The following ANKRD29 variants were observed in gnomAD, a reference collection of about 807,000 sequenced individuals.
ANKRD29 encodes ankyrin repeat domain 29, also known as ankyrin repeat domain-containing protein 29.
A neutral mutation model predicts 38.0 loss-of-function variants in ANKRD29; 32 were observed. The ratio of observed to expected loss-of-function variants is 0.84; its 90% confidence interval spans 0.64 to 1.13. ANKRD29 has a LOEUF of 1.13. Among genes scored for constraint, ANKRD29 ranks in the 50% most tolerant of loss-of-function variants. The pLI is 0.00. For synonymous variants in ANKRD29, 135 were observed against 152.4 expected (o/e 0.89, Z 0.84); for missense variants, 357 against 377.9 (o/e 0.94, Z 0.46).
chr18:23,643,720 C>A (rs952864839), intron 3 of ANKRD29, among the ~76,000 whole-genome samples: 5 of 152,216 alleles, frequency 3.3e-5, no homozygotes, highest in African/African-American at 1.2e-4. Flanking sequence ...TGTCATCAGC[C>A]AATTGTGGGT....
chr18:23,634,300 T>G (rs545897676), intron 4 of ANKRD29, 151 bp from the exon 5 acceptor site: 4 of 335,486 alleles, frequency 1.2e-5, no homozygotes, highest in South Asian at 3.0e-5. Flanking sequence ...TTTTTTTTTT[T>G]TTTTTTTGAG....
intron 9 of ANKRD29, among the ~76,000 whole-genome samples, chr18:23,610,755 A>AC (rs570640846): frequency 1.8e-4 from 28 of 152,182 alleles, no homozygotes; most frequent in Non-Finnish European, 4.0e-4. Context: ...GGCTCACTGC[A>AC]CCCTTGACCT....
chr18:23,614,643 G>T (rs1420968008), intron 8 of ANKRD29, among the ~76,000 whole-genome samples: 1 of 150,492 alleles, frequency 6.6e-6, no homozygotes, highest in East Asian at 1.9e-4. Context: ...AGACCAGCCT[G>T]GGCAACATAG....
chr18:23,649,211 A>T lies in ANKRD29; in HGVS notation c.22-18T>A. ...GTTTCCTTCTGCAAGAACAAAATGAAACAGGATCTTAAAATTGATGTCAGT... is the reference window on the plus strand; with the variant it reads ...GTTTCCTTCTGCAAGAACAAAATGATACAGGATCTTAAAATTGATGTCAGT... On this transcript the variant is annotated intron_variant, in intron 1 of 9. Coordinates refer to ENST00000592179, the MANE Select transcript of ANKRD29 (RefSeq NM_173505.4). The T allele has an allele frequency of 6.3e-7, 1 of 1,591,864 alleles. No homozygotes were observed. The highest frequency in any genetic ancestry group is 1.1e-5 in the South Asian group (1 of 89,706).
At position 23,601,119 on chromosome 18, in the gene ANKRD29, G is replaced by T; in HGVS notation, c.*107C>A. The T allele has an allele frequency of 9.9e-7, 1 of 1,008,220 alleles. No individual in the cohort carries two copies. Among genetic ancestry groups the T allele is most frequent in the Non-Finnish European group, 1.5e-6 (1 of 680,842 alleles). 62.5% of individuals were successfully genotyped at this position (1,008,220 alleles called of 1,614,324 possible). ...CAGGGACCCACAGGATGGGCATTCT[G>T]GGCATCTTTTTTTTTCATAAAAGAA... On this transcript the variant is annotated 3_prime_UTR_variant, in exon 10 of 10. Transcript: ENST00000592179.
At position 23,617,448 on chromosome 18, in the gene ANKRD29, A is replaced by G. The variant is rs550108355; in HGVS notation, c.723+284T>C. 7.2e-5 allele frequency among the ~76,000 whole-genome samples: 11 copies of G among 152,124 alleles called. No homozygotes were observed. The South Asian group carries it at 2.3e-3, about 32-fold the overall frequency. ...TTCCTTGATTTCACAAATCCTCCAA[A>G]TGGTGTCAAAATGGCATACTTTCCA... is the stretch of plus-strand genomic sequence containing the variant. On this transcript the variant is annotated intron_variant, in intron 8 of 9. Coordinates refer to ENST00000592179, the MANE Select transcript of ANKRD29 (RefSeq NM_173505.4).
At chr18:23,613,352 T>G (rs2145644746) in intron 8 of ANKRD29, among the ~76,000 whole-genome samples, 1 of 151,946 alleles carries the variant, frequency 6.6e-6, no homozygotes, top group Non-Finnish European at 1.5e-5. Context: ...TTGTATTTTT[T>G]GTAGAGACAG....
At chr18:23,652,881 A>G (rs1289081746) in intron 1 of ANKRD29, among the ~76,000 whole-genome samples, 1 of 152,220 alleles carries the variant, frequency 6.6e-6, no homozygotes, top group Non-Finnish European at 1.5e-5. Flanking sequence ...ATTTAATTCC[A>G]GGAGCAGCCC....
intron 5 of ANKRD29, among the ~76,000 whole-genome samples, chr18:23,631,663 C>G (rs1395663203): frequency 6.6e-6 from 1 of 152,180 alleles, no homozygotes; most frequent in Non-Finnish European, 1.5e-5. Flanking sequence ...TCTGCCAGCC[C>G]AGCAGACACC....
intron 8 of ANKRD29, 31 bp downstream of exon 8, chr18:23,617,701 C>G (rs766270736): frequency 1.3e-6 from 2 of 1,581,552 alleles, no homozygotes; most frequent in Non-Finnish European, 1.7e-6. Flanking sequence ...CTCTCTCTTA[C>G]AGATTAGTAA....
At chr18:23,641,395 C>G (rs550711379) in intron 3 of ANKRD29, among the ~76,000 whole-genome samples, 35 of 152,386 alleles carry the variant, frequency 2.3e-4, no homozygotes, top group African/African-American at 8.4e-4. Flanking sequence ...ACTCCCGGCA[C>G]CTGCTCCAGT....
rs770469705 is a variant in ANKRD29 at position 23,634,146 on chromosome 18, C to T, written c.334G>A (p.Gly112Arg). 210 of 1,614,012 alleles carry T rather than the reference C, an allele frequency of 1.3e-4. No individual in the cohort carries two copies. Among genetic ancestry groups the T allele is most frequent in the Non-Finnish European group, 1.6e-4 (191 of 1,179,996 alleles). The change falls in exon 5 of 10, where the codon GGG becomes AGG. Residue 112 changes from glycine to arginine, a missense_variant. Coordinates refer to ENST00000592179, the MANE Select transcript of ANKRD29 (RefSeq NM_173505.4). ...GASTEFRTKD[G>R]GTALLAASQY... Reference sequence around the variant, plus strand: ...CTGGCAGCCAACAGGGCGGTGCCCCCGTCCTATGGACATGCAAAGTATAAA... The same window carrying T: ...CTGGCAGCCAACAGGGCGGTGCCCCTGTCCTATGGACATGCAAAGTATAAA...
chr18:23,630,058 G>T, intron 5 of ANKRD29, 107 bp from the exon 6 acceptor site: 1 of 904,948 alleles, frequency 1.1e-6, no homozygotes, highest in East Asian at 2.7e-5. Context: ...AGCACTTTGG[G>T]AGGCCTAGGT....
chr18:23,623,716 C>T (rs958080539), intron 6 of ANKRD29, among the ~76,000 whole-genome samples: 2 of 151,862 alleles, frequency 1.3e-5, no homozygotes, highest in African/African-American at 4.8e-5. Flanking sequence ...AATCTTGGCT[C>T]ACTGCAAGCT....
At chr18:23,619,663 G>C in intron 6 of ANKRD29, 34 bp from the exon 7 acceptor site, 1 of 1,516,138 alleles carries the variant, frequency 6.6e-7, no homozygotes, top group Non-Finnish European at 8.8e-7. Context: ...CGCCGTGACT[G>C]GGGCGCCCGG....
chr18:23,654,635 A>G (rs544437895), intron 1 of ANKRD29, among the ~76,000 whole-genome samples: 52 of 151,546 alleles, frequency 3.4e-4, no homozygotes, highest in Middle Eastern at 6.8e-3. Flanking sequence ...AAAAAAAAAA[A>G]AAAAAAAGTC....
chr18:23,649,404 T>G, intron 1 of ANKRD29: 1 of 704,170 alleles, frequency 1.4e-6, no homozygotes, highest in Non-Finnish European at 2.6e-6. Context: ...TGAAGAGCAG[T>G]GTTGTTGATA....
intron 9 of ANKRD29, among the ~76,000 whole-genome samples, chr18:23,611,771 T>A (rs2059645046): frequency 6.6e-6 from 1 of 152,034 alleles, no homozygotes; most frequent in Non-Finnish European, 1.5e-5. Flanking sequence ...CATTTGTAAA[T>A]GACCGGCTTC....
chr18:23,633,462 T>C (rs1334980981), intron 5 of ANKRD29, among the ~76,000 whole-genome samples: 1 of 152,212 alleles, frequency 6.6e-6, no homozygotes, highest in Non-Finnish European at 1.5e-5. Flanking sequence ...ATGGTACGAA[T>C]AAGTATCACA....
Sources: gnomAD v4.1 joint callset for allele counts (sites outside exome capture counted in the v4.1 genomes callset) on GRCh38, gnomAD v4.1.1 for gene constraint, MANE v1.5 for transcripts, NCBI Gene and HGNC (gene_info 2026-07-23, HGNC 2026-07-21) for gene names.